The following ADAMTS19 variants were observed in gnomAD, a reference collection of about 807,000 sequenced individuals.
ADAMTS19 encodes ADAM metallopeptidase with thrombospondin type 1 motif 19.
In ADAMTS19, 93 loss-of-function variants were observed where a neutral mutation model predicts 153.3. The ratio of observed to expected loss-of-function variants is 0.61; its 90% CI spans 0.51 to 0.72. The LOEUF is 0.72. ADAMTS19 is among the 30% of genes least tolerant of loss of function. ADAMTS19 has a pLI of 0.00. For synonymous variants in ADAMTS19, 600 were observed against 556.6 expected, an observed-to-expected ratio of 1.08 and a Z score of -1.10; for missense variants, 1,482 against 1,552.1, an observed-to-expected ratio of 0.95 and a Z score of 0.76.
At position 129,648,981 on chromosome 5, in the gene ADAMTS19, C is replaced by T. The variant is rs559097111; in HGVS notation, c.2176+11C>T. The T allele has an allele frequency of 6.3e-7, 1 of 1,574,804 alleles. No individual in the cohort carries two copies. The highest frequency in any genetic ancestry group is 1.2e-5 in the South Asian group (1 of 85,652). On this transcript the variant is annotated intron_variant, in intron 13 of 22. Coordinates refer to ENST00000274487, the MANE Select transcript of ADAMTS19 (RefSeq NM_133638.6). ...CTGTCCTGGATGAAGGTATGACCAA[C>T]CAGATCACCACCATCTTTGTTAACT...
chr5:129,696,461 G>C (rs1301587801), intron 19 of ADAMTS19, among the ~76,000 whole-genome samples: 1 of 152,104 alleles, frequency 6.6e-6, no homozygotes, highest in African/African-American at 2.4e-5. Context: ...GAATTTCAAG[G>C]CTTGCTTTCT....
At chr5:129,666,939 T>G (rs1754079805) in intron 16 of ADAMTS19, among the ~76,000 whole-genome samples, 1 of 152,290 alleles carries the variant, frequency 6.6e-6, no homozygotes, top group South Asian at 2.1e-4. Context: ...ATAATATGGG[T>G]TTTAGTAACC....
intron 20 of ADAMTS19, 145 bp from the exon 21 acceptor site, chr5:129,704,094 C>T: frequency 2.4e-6 from 2 of 829,346 alleles, no homozygotes; most frequent in South Asian, 4.2e-5. Context: ...CTGTTGTTAC[C>T]TTTAAACTTA....
chr5:129,612,873 G>T (rs934368334), intron 8 of ADAMTS19, among the ~76,000 whole-genome samples: 1 of 152,014 alleles, frequency 6.6e-6, no homozygotes, highest in Non-Finnish European at 1.5e-5. Flanking sequence ...AACAAAAAAG[G>T]CAGGGGTTGC....
intron 19 of ADAMTS19, among the ~76,000 whole-genome samples, chr5:129,696,186 G>T (rs1394351178): frequency 6.6e-6 from 1 of 152,170 alleles, no homozygotes; most frequent in Non-Finnish European, 1.5e-5. Flanking sequence ...GCGCTTAAAA[G>T]AATTTGGGAT....
intron 3 of ADAMTS19, among the ~76,000 whole-genome samples, chr5:129,525,127 T>A (rs933970193): frequency 3.3e-5 from 5 of 152,148 alleles, no homozygotes; most frequent in African/African-American, 4.8e-5. Flanking sequence ...CTCTGAGTAG[T>A]TTGTACATGC....
intron 7 of ADAMTS19, among the ~76,000 whole-genome samples, chr5:129,563,013 G>T (rs535117396): frequency 4.6e-4 from 70 of 152,228 alleles, no homozygotes; most frequent in African/African-American, 1.7e-3. Flanking sequence ...CTGCCAAAAA[G>T]AAGCATATCC....
intron 7 of ADAMTS19, among the ~76,000 whole-genome samples, chr5:129,578,112 GTATATGTACGTATACGTACATATACC>G (rs1749279682): frequency 8.5e-6 from 1 of 117,500 alleles, no homozygotes; most frequent in Admixed American, 8.4e-5. Flanking sequence ...ACATATGCAT[GTATATGTACGTATACGTACATATACC>G]TATATGCATG....
At position 129,622,290 on chromosome 5, in the gene ADAMTS19, C is replaced by T; in HGVS notation, c.1712C>T (p.Ala571Val). Residue 571 changes from alanine to valine, a missense_variant, in exon 10 of 23, where the codon GCT becomes GTT. Coordinates refer to ENST00000274487, the MANE Select transcript of ADAMTS19 (RefSeq NM_133638.6). ...AAGCTGCCAGGGATGACATACACTGCTGATGAACAATGCCAGATCCTTTTT... is the reference window on the plus strand; with the variant it reads ...AAGCTGCCAGGGATGACATACACTGTTGATGAACAATGCCAGATCCTTTTT... The part of the protein sequence containing the change: ...PSKLPGMTYT[A>V]DEQCQILFGP... 1.2e-6 allele frequency: 2 copies of T among 1,614,118 alleles called. No homozygotes were observed. Among genetic ancestry groups the T allele is most frequent in the Non-Finnish European group, 1.7e-6 (2 of 1,180,000 alleles).
intron 2 of ADAMTS19, among the ~76,000 whole-genome samples, chr5:129,482,660 A>G (rs763337037): frequency 6.6e-6 from 1 of 152,222 alleles, no homozygotes; most frequent in Non-Finnish European, 1.5e-5. Flanking sequence ...GCACTTGTTT[A>G]TATCACAACA....
intron 7 of ADAMTS19, among the ~76,000 whole-genome samples, chr5:129,556,802 A>G (rs1581081383): frequency 6.6e-6 from 1 of 152,336 alleles, no homozygotes; most frequent in East Asian, 1.9e-4. Context: ...AGCAGCTTCT[A>G]GAACATGCAA....
At position 129,737,776 on chromosome 5, in the gene ADAMTS19, T is replaced by A. The variant is rs1470824927; in HGVS notation, c.*558T>A. ...TTATAGACATCCATAGGAAAAATTC[T>A]GCTGTAATTATAACCTTATTTTGAT... On this transcript the variant is annotated 3_prime_UTR_variant, in exon 23 of 23. Transcript: ENST00000274487. 6.6e-6 allele frequency: 1 copy of A among 152,498 alleles called. No individual in the cohort carries two copies. Among genetic ancestry groups the A allele is most frequent in the Non-Finnish European group, 1.5e-5 (1 of 67,986 alleles). The allele number at this position is 152,498 out of a possible 1,614,324, so 9.4% of individuals were successfully genotyped here.
chr5:129,472,260 T>G (rs1750092702), intron 2 of ADAMTS19, among the ~76,000 whole-genome samples: 1 of 152,202 alleles, frequency 6.6e-6, no homozygotes, highest in South Asian at 2.1e-4. Context: ...TGGTGTGAGA[T>G]GGTATCTCAT....
At position 129,461,546 on chromosome 5, in the gene ADAMTS19, C is replaced by T; in HGVS notation, c.536C>T (p.Ser179Phe). The change falls in exon 2 of 23, where the codon TCT becomes TTT. Residue 179 changes from serine to phenylalanine, a missense_variant. Ser to Phe is a radical substitution (Grantham distance 155, BLOSUM62 -2). This residue lies in a region of ADAMTS19 where 866 missense variants were observed against 827.7 expected (regional missense o/e 1.05). Coordinates refer to ENST00000274487, the MANE Select transcript of ADAMTS19 (RefSeq NM_133638.6). The surrounding 1 kb of genome is among the most constrained non-coding windows in gnomAD (Gnocchi z 4.6). ...GTGTTGCTGCGGATCCCGGCCTTCT[C>T]TCGGGACCTGTACCTGCTGCTCCGG... ...DEVLLRIPAF[S>F]RDLYLLLRRD... The T allele has an allele frequency of 6.5e-7, 1 of 1,538,814 alleles. No homozygotes were observed. The highest frequency in any genetic ancestry group is 2.5e-5 in the East Asian group (1 of 40,080).
chr5:129,493,334 G>T (rs185105298), intron 2 of ADAMTS19, among the ~76,000 whole-genome samples: 1 of 151,624 alleles, frequency 6.6e-6, no homozygotes, highest in Admixed American at 6.6e-5. Context: ...ATGATTCCAC[G>T]CCCGTTTCTC....
At chr5:129,684,655 T>G (rs975985788) in intron 18 of ADAMTS19, among the ~76,000 whole-genome samples, 15 of 152,166 alleles carry the variant, frequency 9.9e-5, no homozygotes, top group African/African-American at 2.9e-4. Flanking sequence ...AATTCCAAAG[T>G]ACACCTGCCC....
At chr5:129,478,608 G>A (rs919244060) in intron 2 of ADAMTS19, among the ~76,000 whole-genome samples, 1 of 152,130 alleles carries the variant, frequency 6.6e-6, no homozygotes, top group Non-Finnish European at 1.5e-5. Context: ...GTGCAGCGGT[G>A]TGATCATAGC....
Position 129,737,959 on chromosome 5 carries a change from C to T in ADAMTS19, c.*741C>T, listed in dbSNP as rs1299163556. 1 of 152,348 alleles carries T rather than the reference C, an allele frequency of 6.6e-6. No individual in the cohort carries two copies. The highest frequency in any genetic ancestry group is 1.5e-5 in the Non-Finnish European group (1 of 67,948). 9.4% of individuals were successfully genotyped at this position (152,348 alleles called of 1,614,324 possible). On this transcript the variant is annotated 3_prime_UTR_variant, in exon 23 of 23. Transcript: ENST00000274487. ...AATCGTTAGAAATGGTGACATCTTA[C>T]AAAAAATGTGTATTATTTTAACATG... is the stretch of plus-strand genomic sequence containing the variant.
In ADAMTS19 at chr5:129,526,276, T is replaced by C. The variant is rs770807319; in HGVS notation, c.914-8T>C. ...AGGTGCATTGAAAAATTCAATTCTCTGTTGCAGATAAAGGAAGACCTAGGT... is the reference window on the plus strand; with the variant it reads ...AGGTGCATTGAAAAATTCAATTCTCCGTTGCAGATAAAGGAAGACCTAGGT... On this transcript the variant is annotated splice_polypyrimidine_tract_variant and splice_region_variant and intron_variant, in intron 3 of 22. Coordinates refer to ENST00000274487, the MANE Select transcript of ADAMTS19 (RefSeq NM_133638.6). The C allele has an allele frequency of 2.6e-6, 4 of 1,553,792 alleles. No homozygotes were observed. Among genetic ancestry groups the C allele is most frequent in the Non-Finnish European group, 3.5e-6 (4 of 1,157,230 alleles).
Sources: gnomAD v4.1 joint callset for allele counts (sites outside exome capture counted in the v4.1 genomes callset) on GRCh38, gnomAD v4.1.1 for gene constraint, gnomAD v4.1.1 regional missense constraint, Gnocchi (gnomAD v3.1) non-coding constraint, MANE v1.5 for transcripts, NCBI Gene and HGNC (gene_info 2026-07-23, HGNC 2026-07-21) for gene names.